The following UGT1A10 variants were observed in gnomAD, a reference collection of about 807,000 sequenced individuals.
UGT1A10 encodes the protein UDP-glucuronosyltransferase 1A10.
A neutral mutation model predicts 45.8 loss-of-function variants in UGT1A10; 49 were observed. The observed-to-expected ratio is 1.07, with a 90% CI of 0.85 to 1.36. The LOEUF (loss-of-function observed/expected upper bound fraction) is 1.36, where lower values mean the gene tolerates loss of function less well. Ranked by LOEUF, UGT1A10 falls within the 40% of genes most tolerant of loss-of-function variation. The pLI is 0.00. For synonymous variants in UGT1A10, 284 were observed against 249.7 expected, an observed-to-expected ratio of 1.14 and a Z score of -1.29; for missense variants, 745 against 668.6, an observed-to-expected ratio of 1.11 and a Z score of -1.26.
chr2:233,713,220 C>G, intron 1 of UGT1A10: 1 of 1,614,254 alleles, frequency 6.2e-7, no homozygotes, highest in Non-Finnish European at 8.5e-7. Flanking sequence ...CTTTTTCACC[C>G]TGACAACGTA....
At chr2:233,719,408 G>A (rs762624701) in intron 1 of UGT1A10, 11 of 1,613,826 alleles carry the variant, frequency 6.8e-6, no homozygotes, top group African/African-American at 5.3e-5. Flanking sequence ...ATATTCCTAA[G>A]TTACTAACGA....
At chr2:233,671,881 C>G (rs2074201598) in intron 1 of UGT1A10, 2 of 1,539,292 alleles carry the variant, frequency 1.3e-6, no homozygotes, top group South Asian at 2.6e-5. Flanking sequence ...CTCCCACCTA[C>G]TGTATCATAG....
At chr2:233,726,798 G>T (rs548256451) in intron 1 of UGT1A10, among the ~76,000 whole-genome samples, 1 of 152,228 alleles carries the variant, frequency 6.6e-6, no homozygotes, top group South Asian at 2.1e-4. Context: ...CTTATTCAAG[G>T]CTTGGAGGTT....
chr2:233,658,702 C>G (rs2073904940), intron 1 of UGT1A10, among the ~76,000 whole-genome samples: 1 of 152,216 alleles, frequency 6.6e-6, no homozygotes, highest in South Asian at 2.1e-4. Flanking sequence ...GCTTTCTTGA[C>G]TATGGATAGC....
chr2:233,668,606 T>C (rs1447953773), intron 1 of UGT1A10, among the ~76,000 whole-genome samples: 7 of 152,228 alleles, frequency 4.6e-5, no homozygotes, highest in African/African-American at 1.7e-4. Context: ...GTATTTCTAG[T>C]TCTAGATCCT....
chr2:233,769,729 C>T lies in UGT1A10; in HGVS notation c.1295+1290C>T. The T allele has an allele frequency of 6.8e-6, 10 of 1,468,988 alleles. No homozygotes were observed. Among genetic ancestry groups the T allele is most frequent in the Non-Finnish European group, 9.0e-6 (10 of 1,109,108 alleles). 91.0% of individuals were successfully genotyped at this position (1,468,988 alleles called of 1,614,324 possible). ...TGTTGGCTAGGCACCATGGCACACGCCTGTAGTCCCAGCCACTCTGGAGGC... is the reference window on the plus strand; with the variant it reads ...TGTTGGCTAGGCACCATGGCACACGTCTGTAGTCCCAGCCACTCTGGAGGC... On this transcript the variant is annotated intron_variant, in intron 4 of 4. Transcript: ENST00000344644. This position sits in a 1 kb window ranked among gnomAD's most constrained non-coding sequence, Gnocchi z 4.4.
intron 1 of UGT1A10, among the ~76,000 whole-genome samples, chr2:233,660,778 T>A: frequency 6.6e-6 from 1 of 152,140 alleles, no homozygotes; most frequent in East Asian, 1.9e-4. Context: ...TTTGCATGAA[T>A]TAAAAACTGG....
At chr2:233,717,777 A>G (rs1442623000) in intron 1 of UGT1A10, 3 of 456,402 alleles carry the variant, frequency 6.6e-6, no homozygotes, top group South Asian at 4.6e-5. Context: ...TTAATTCTCC[A>G]TTTTGAAATT....
intron 1 of UGT1A10, chr2:233,721,912 C>A: frequency 2.3e-6 from 1 of 427,588 alleles, no homozygotes; most frequent in Non-Finnish European, 4.7e-6. Flanking sequence ...GTGCACACTG[C>A]TTCCATAAAG....
intron 1 of UGT1A10, among the ~76,000 whole-genome samples, chr2:233,675,652 A>C (rs1029481047): frequency 6.6e-6 from 1 of 152,222 alleles, no homozygotes; most frequent in African/African-American, 2.4e-5. Flanking sequence ...GTTTTCAAAC[A>C]TACACAATGG....
At position 233,769,594 on chromosome 2, in the gene UGT1A10, G is replaced by T; in HGVS notation, c.1295+1155G>T. 1 of 1,612,864 alleles carries T rather than the reference G, an allele frequency of 6.2e-7. No homozygotes were observed. Among genetic ancestry groups the T allele is most frequent in the South Asian group, 1.1e-5 (1 of 91,060 alleles). ...GAGCATGTTCAGATGAGAGGAGACG[G>T]AACACGGGGACACACCAGCTTGAGC... On this transcript the variant is annotated intron_variant, in intron 4 of 4. Coordinates refer to ENST00000344644, the MANE Select transcript of UGT1A10 (RefSeq NM_019075.4). This position sits in a 1 kb window ranked among gnomAD's most constrained non-coding sequence, Gnocchi z 4.4.
Position 233,772,276 on chromosome 2 carries a change from T to C in UGT1A10, c.1310T>C (p.Ile437Thr). 6.2e-7 allele frequency: 1 copy of C among 1,614,240 alleles called. No homozygotes were observed. The highest frequency in any genetic ancestry group is 8.5e-7 in the Non-Finnish European group (1 of 1,180,050). ...VINDKSYKEN[I>T]MRLSSLHKDR... ...TTTGTGTTTAGTTACAAGGAGAACA[T>C]CATGCGCCTCTCCAGCCTTCACAAG... The change falls in exon 5 of 5, where the codon ATC (isoleucine) becomes ACC (threonine). Residue 437 changes from isoleucine to threonine, a missense_variant. By Grantham distance (89) the Ile-to-Thr change is moderately conservative. Coordinates refer to ENST00000344644, the MANE Select transcript of UGT1A10 (RefSeq NM_019075.4).
At chr2:233,742,178 A>T (rs1317325763) in intron 1 of UGT1A10, among the ~76,000 whole-genome samples, 1 of 151,940 alleles carries the variant, frequency 6.6e-6, no homozygotes, top group Non-Finnish European at 1.5e-5. Context: ...AGAAATATAG[A>T]GTGTGGAGTG....
At position 233,772,584 on chromosome 2, in the gene UGT1A10, A is replaced by T; in HGVS notation, c.*25A>T. 6.2e-7 allele frequency: 1 copy of T among 1,604,676 alleles called. No homozygotes were observed. The highest frequency in any genetic ancestry group is 8.5e-7 in the Non-Finnish European group (1 of 1,174,986). On this transcript the variant is annotated 3_prime_UTR_variant, in exon 5 of 5. Transcript: ENST00000344644. ...AGAAGTGGGTGGGAAATAAGGTAAAATTTTGAACCATTCCCTAGTCATTTC... is the reference window on the plus strand; with the variant it reads ...AGAAGTGGGTGGGAAATAAGGTAAATTTTTGAACCATTCCCTAGTCATTTC...
chr2:233,751,468 G>T (rs1694737007), intron 1 of UGT1A10, among the ~76,000 whole-genome samples: 1 of 152,190 alleles, frequency 6.6e-6, no homozygotes, highest in African/African-American at 2.4e-5. Flanking sequence ...AGGCACGATT[G>T]GTTTTGAAAT....
chr2:233,747,777 A>T (rs1038765158), intron 1 of UGT1A10: 20 of 1,613,544 alleles, frequency 1.2e-5, no homozygotes, highest in Non-Finnish European at 1.3e-5. Context: ...ACAGTGTCCA[A>T]ATCCTTCCTC....
At chr2:233,688,330 G>A (rs2074887985) in intron 1 of UGT1A10, among the ~76,000 whole-genome samples, 2 of 152,288 alleles carry the variant, frequency 1.3e-5, no homozygotes, top group African/African-American at 2.4e-5. Flanking sequence ...CATTTGGGTT[G>A]TTTCCCATTT....
At chr2:233,719,572 A>G in intron 1 of UGT1A10, 1 of 1,613,858 alleles carries the variant, frequency 6.2e-7, no homozygotes. Flanking sequence ...CTTGTCAGCT[A>G]TGCATCCGTG....
chr2:233,637,127 C>T lies in UGT1A10; in HGVS notation c.605C>T (p.Thr202Ile), dbSNP rs58704432. The change falls in exon 1 of 5, where the codon ACT becomes ATT. Residue 202 changes from threonine to isoleucine, a missense_variant. Physicochemically the swap from Thr to Ile is moderately conservative, Grantham distance 89. Transcript: ENST00000344644. ...NDLLGFSDAM[T>I]FKERVWNHIV... ...CTCTTAGGGTTCTCAGATGCCATGACTTTCAAGGAGAGAGTATGGAACCAC... is the reference window on the plus strand; with the variant it reads ...CTCTTAGGGTTCTCAGATGCCATGATTTTCAAGGAGAGAGTATGGAACCAC... 614 of 1,613,964 alleles carry T rather than the reference C, an allele frequency of 3.8e-4. 3 individuals are homozygous for T. In the East Asian group the frequency reaches 0.013, roughly 35 times the overall value.
Sources: gnomAD v4.1 joint callset for allele counts (sites outside exome capture counted in the v4.1 genomes callset) on GRCh38, gnomAD v4.1.1 for gene constraint, Gnocchi (gnomAD v3.1) non-coding constraint, MANE v1.5 for transcripts, NCBI Gene and HGNC (gene_info 2026-07-23, HGNC 2026-07-21) for gene names.